Variants in NBN observed in about 807,000 individuals in gnomAD.
The protein encoded by NBN is Nijmegen breakage syndrome 1 (nibrin).
A neutral mutation model predicts 90.8 loss-of-function variants in NBN; 88 were observed. The ratio of observed to expected loss-of-function variants is 0.97; its 90% CI spans 0.82 to 1.16. The LOEUF (loss-of-function observed/expected upper bound fraction) is 1.16. NBN is among the 50% of genes most tolerant of loss of function. NBN has a pLI of 0.00. For synonymous variants in NBN, 328 were observed against 295.1 expected, an observed-to-expected ratio of 1.11 and a Z score of -1.14; for missense variants, 894 against 869.6, an observed-to-expected ratio of 1.03 and a Z score of -0.35.
In NBN at chr8:89,933,458, CAGAA is replaced by C. The variant is rs1332263539; in HGVS notation, c.*2120_*2123del. 1 of 229,096 alleles carries C rather than the reference CAGAA, an allele frequency of 4.4e-6. No homozygotes were observed. The highest frequency in any genetic ancestry group is 8.6e-6 in the Non-Finnish European group (1 of 115,738). The allele number at this position is 229,096 out of a possible 1,614,324, so 14.2% of individuals were successfully genotyped here. A position where few individuals can be genotyped will look rare whatever the true frequency, so the allele number is the denominator to read the frequency against. Reference sequence around the variant, plus strand: ...GGACAAACATTTCAGTGTAACCAAACAGAAAGTCCAGAAACAGATCCACCATTAT... The same window carrying C: ...GGACAAACATTTCAGTGTAACCAAACAGTCCAGAAACAGATCCACCATTAT... On this transcript the variant is annotated 3_prime_UTR_variant, in exon 16 of 16. Transcript: ENST00000265433.
intron 2 of NBN, among the ~76,000 whole-genome samples, chr8:89,982,215 A>C (rs1812103888): frequency 6.6e-6 from 1 of 152,192 alleles, no homozygotes; most frequent in African/African-American, 2.4e-5. Flanking sequence ...GGCATAAGTA[A>C]GCATTTCCCT....
intron 14 of NBN, among the ~76,000 whole-genome samples, chr8:89,940,198 ACCTCAGCCTCCTGAG>A (rs1330498475): frequency 1.3e-5 from 2 of 152,040 alleles, no homozygotes; most frequent in East Asian, 3.9e-4. Flanking sequence ...CAATCTTCCC[ACCTCAGCCTCCTGAG>A]TAGCTGGGAC....
At chr8:89,952,878 T>C (rs1185185982) in intron 11 of NBN, among the ~76,000 whole-genome samples, 1 of 152,236 alleles carries the variant, frequency 6.6e-6, no homozygotes, top group Non-Finnish European at 1.5e-5. Context: ...AGTGATGTTA[T>C]ATCCTAAAAA....
intron 12 of NBN, among the ~76,000 whole-genome samples, chr8:89,946,937 A>C (rs540053706): frequency 6.6e-5 from 10 of 152,310 alleles, no homozygotes; most frequent in African/African-American, 1.9e-4. Context: ...AGTCAGTTAC[A>C]CATCAACATT....
intron 8 of NBN, among the ~76,000 whole-genome samples, chr8:89,959,563 G>A (rs1810896653): frequency 6.6e-6 from 1 of 151,562 alleles, no homozygotes; most frequent in African/African-American, 2.4e-5. Flanking sequence ...GCCCAGCCTG[G>A]GCAACACTGG....
At chr8:89,984,458 C>G in intron 1 of NBN, 67 bp downstream of exon 1, 2 of 1,471,120 alleles carry the variant, frequency 1.4e-6, no homozygotes, top group South Asian at 1.2e-5. Flanking sequence ...AGGAATCACC[C>G]GCAGGCCCTC....
chr8:89,942,066 C>A (rs6470521), intron 14 of NBN, among the ~76,000 whole-genome samples: 1 of 151,964 alleles, frequency 6.6e-6, no homozygotes, highest in South Asian at 2.1e-4. Flanking sequence ...AATGTCTATA[C>A]GGGGTATGAG....
At position 89,955,435 on chromosome 8, in the gene NBN, A is replaced by G. The variant is rs776180689; in HGVS notation, c.1245T>C (p.Ser415=). 6.2e-7 allele frequency: 1 copy of G among 1,613,870 alleles called. No individual in the cohort carries two copies. Among genetic ancestry groups the G allele is most frequent in the Non-Finnish European group, 8.5e-7 (1 of 1,179,830 alleles). ...ESCKTSSNNN[S]MVSNTLAKMR... ...TCTTAGCCAAAGTATTTGATACCAT[A>G]CTATTATTATTAGAGCTTGTTTTGC... is the stretch of plus-strand genomic sequence containing the variant. Residue 415 remains serine (S), a synonymous_variant, in exon 10 of 16, where the codon AGT becomes AGC. Transcript: ENST00000265433.
At chr8:89,972,961 C>T (rs892996842) in intron 5 of NBN, among the ~76,000 whole-genome samples, 21 of 152,164 alleles carry the variant, frequency 1.4e-4, no homozygotes, top group Non-Finnish European at 2.8e-4. Context: ...CTTAATTATG[C>T]CATAGATAAC....
At chr8:89,941,862 T>G (rs1330358181) in intron 14 of NBN, among the ~76,000 whole-genome samples, 2 of 152,200 alleles carry the variant, frequency 1.3e-5, no homozygotes, top group African/African-American at 2.4e-5. Flanking sequence ...CCTTAACAAC[T>G]CTACTTTCAT....
chr8:89,945,414 T>C (rs1383041212), intron 13 of NBN, among the ~76,000 whole-genome samples: 1 of 152,182 alleles, frequency 6.6e-6, no homozygotes, highest in East Asian at 1.9e-4. Flanking sequence ...TGTGAAATGT[T>C]AATAGTAAAT....
Position 89,935,410 on chromosome 8 carries a change from C to CA in NBN, c.*171dup, listed in dbSNP as rs1176530411. On this transcript the variant is annotated 3_prime_UTR_variant, in exon 16 of 16. Transcript: ENST00000265433. The stretch of plus-strand genomic sequence containing the variant: ...TGACAAAGCCTGAAAACAGAACAAA[C>CA]AATTGTTACATACAAAAGAATCAAA... 1 of 708,996 alleles carries CA rather than the reference C, an allele frequency of 1.4e-6. No individual in the cohort carries two copies. Among genetic ancestry groups the CA allele is most frequent in the Non-Finnish European group, 2.3e-6 (1 of 432,946 alleles). The allele number at this position is 708,996 out of a possible 1,614,324, so 43.9% of individuals were successfully genotyped here.
intron 7 of NBN, among the ~76,000 whole-genome samples, chr8:89,970,134 A>T (rs141781950): frequency 6.6e-6 from 1 of 151,550 alleles, no homozygotes; most frequent in East Asian, 1.9e-4. Flanking sequence ...CTATAATCGC[A>T]GCTACTCAGG....
chr8:89,967,485 A>C (rs770661493), intron 7 of NBN, among the ~76,000 whole-genome samples: 2 of 152,236 alleles, frequency 1.3e-5, no homozygotes, highest in Non-Finnish European at 2.9e-5. Flanking sequence ...TAATTGGTGA[A>C]CAAAATAAAT....
chr8:89,959,002 A>C lies in NBN; in HGVS notation c.995-148T>G, dbSNP rs1449467438. ...TTTTCTCCAATGAGTGGTACCAACA[A>C]ACACAAAACAGTCTATAAGCAGCCT... On this transcript the variant is annotated intron_variant, in intron 8 of 15. Transcript: ENST00000265433. 3.9e-6 allele frequency: 4 copies of C among 1,030,694 alleles called. No homozygotes were observed. The African/African-American group carries it at 4.7e-5, about 12-fold the overall frequency. The allele number at this position is 1,030,694 out of a possible 1,614,324, so 63.8% of individuals were successfully genotyped here.
chr8:89,964,461 T>C lies in NBN; in HGVS notation c.943A>G (p.Ile315Val), dbSNP rs878854517. The C allele has an allele frequency of 1.2e-6, 2 of 1,612,914 alleles. No homozygotes were observed. Among genetic ancestry groups the C allele is most frequent in the Non-Finnish European group, 1.7e-6 (2 of 1,178,990 alleles). ...CAGTAATTCTTTGTAGTCATGAAAA[T>C]CACCGCCAATCCAATTTCTGCTTCA... is the stretch of plus-strand genomic sequence containing the variant. ...IPEAEIGLAV[I>V]FMTTKNYCDP... The change falls in exon 8 of 16, where the codon ATT becomes GTT. Residue 315 changes from isoleucine to valine, a missense_variant. By Grantham distance (29) the Ile-to-Val change is conservative. Transcript: ENST00000265433.
At chr8:89,967,208 A>G (rs1811295174) in intron 7 of NBN, among the ~76,000 whole-genome samples, 1 of 152,144 alleles carries the variant, frequency 6.6e-6, no homozygotes, top group African/African-American at 2.4e-5. Flanking sequence ...GTGTGTCCAA[A>G]TTGTACCAGT....
rs1042756575 is a variant in NBN at position 89,955,519 on chromosome 8, G to A, written c.1161C>T (p.Ser387=). Residue 387 remains serine, a synonymous_variant, in exon 10 of 16, where the codon TCC becomes TCT. Coordinates refer to ENST00000265433, the MANE Select transcript of NBN (RefSeq NM_002485.5). ...GCATTCTGAATTTTTGTTCCATTTT[G>A]GAGACTTTGATTTCTTTTGGCCTTT... ...LSERPKEIKV[S]KMEQKFRMLS... The A allele has an allele frequency of 6.2e-7, 1 of 1,613,360 alleles. No individual in the cohort carries two copies. Among genetic ancestry groups the A allele is most frequent in the Non-Finnish European group, 8.5e-7 (1 of 1,179,700 alleles).
intron 1 of NBN, 74 bp from the exon 2 acceptor site, chr8:89,982,929 G>C (rs538616224): frequency 2.1e-6 from 3 of 1,428,758 alleles, no homozygotes; most frequent in Admixed American, 1.7e-5. Context: ...ACACATACAT[G>C]TAAGTGTATA....
Sources: gnomAD v4.1 joint callset for allele counts (sites outside exome capture counted in the v4.1 genomes callset) on GRCh38, gnomAD v4.1.1 for gene constraint, MANE v1.5 for transcripts, NCBI Gene and HGNC (gene_info 2026-07-23, HGNC 2026-07-21) for gene names.